PUM2: variants seen among roughly 807,000 people sequenced by gnomAD.
PUM2 encodes pumilio RNA binding family member 2.
PUM2 carries 57 observed loss-of-function variants against 124.5 expected under a neutral mutation model. The ratio of observed to expected loss-of-function variants is 0.46; its 90% confidence interval spans 0.37 to 0.57. The LOEUF is 0.57. PUM2 is among the 20% of genes least tolerant of loss of function. The pLI, the probability that PUM2 is intolerant of heterozygous loss-of-function variation, is 0.00. For synonymous variants in PUM2, 460 were observed against 446.1 expected, an observed-to-expected ratio of 1.03 and a Z score of -0.39; for missense variants, 1,065 against 1,290.6, an observed-to-expected ratio of 0.83 and a Z score of 2.68.
chr2:20,338,885 G>A (rs924784333), intron 1 of PUM2, among the ~76,000 whole-genome samples: 1 of 152,106 alleles, frequency 6.6e-6, no homozygotes, highest in Non-Finnish European at 1.5e-5. Flanking sequence ...AAAAGGATAT[G>A]CATGATTTTT....
rs1347466345 is a variant in PUM2 at position 20,253,986 on chromosome 2, C to A, written c.2899G>T (p.Ala967Ser). The A allele has an allele frequency of 6.2e-7, 1 of 1,613,206 alleles. No homozygotes were observed. The highest frequency in any genetic ancestry group is 8.5e-7 in the Non-Finnish European group (1 of 1,179,718). Reference protein sequence around the residue: ...SNVVEKCVTHASRAERALLID... With the variant: ...SNVVEKCVTHSSRAERALLID... ...AGTAAAGCTCTCTCAGCACGGGAGG[C>A]ATGAGTAACACACTTTTCTACTACA... The change falls in exon 20 of 21, where the codon GCC becomes TCC. Residue 967 changes from alanine (A) to serine (S), a missense_variant. Physicochemically the swap from Ala to Ser is moderately conservative, Grantham distance 99 (BLOSUM62 1). Transcript: ENST00000361078.
chr2:20,254,239 C>T (rs1219229592), intron 19 of PUM2, among the ~76,000 whole-genome samples: 1 of 151,990 alleles, frequency 6.6e-6, no homozygotes, highest in Non-Finnish European at 1.5e-5. Context: ...CCGCTCACTG[C>T]AGCCTTGACC....
chr2:20,350,727 T>TC lies in PUM2; in HGVS notation c.-150dup, dbSNP rs1241324039. ...TGTCTTCTTTCTCCACCTACCACCC[T>TC]CCCCCCCCACCCCACCTCCTCCTTC... On this transcript the variant is annotated 5_prime_UTR_variant, in exon 1 of 21. Coordinates refer to ENST00000361078, the MANE Select transcript of PUM2 (RefSeq NM_015317.5). The TC allele has an allele frequency of 2.2e-3, 652 of 301,698 alleles. No homozygotes were observed. The highest frequency in any genetic ancestry group is 0.014 in the South Asian group (88 of 6,354). The allele number at this position is 301,698 out of a possible 1,614,324, so 18.7% of individuals were successfully genotyped here.
In PUM2 at chr2:20,263,210, T is replaced by C; in HGVS notation, c.2208A>G (p.Gln736=). 6.2e-7 allele frequency: 1 copy of C among 1,600,402 alleles called. No homozygotes were observed. Among genetic ancestry groups the C allele is most frequent in the Non-Finnish European group, 8.6e-7 (1 of 1,167,552 alleles). ...DLIGHIVEFS[Q]DQHGSRFIQQ... ...TCACCTACCTAGAACCATGCTGGTC[T>C]TGAGAAAACTCAACTATATGTCCAA... The change falls in exon 14 of 21, where the codon CAA becomes CAG. Residue 736 remains glutamine, a synonymous_variant. Transcript: ENST00000361078.
At chr2:20,350,944 C>T (rs868050423), upstream of PUM2, 4 of 249,418 alleles carry the variant, frequency 1.6e-5, no homozygotes, top group Admixed American at 6.5e-5. Context: ...GTCCCTGCTC[C>T]CGCGCTGCCG....
At position 20,274,633 on chromosome 2, in the gene PUM2, A is replaced by G. The variant is rs189310286; in HGVS notation, c.1957+3950T>C. Among the ~76,000 whole-genome samples, 36 of 152,178 alleles carry G rather than the reference A, an allele frequency of 2.4e-4. 1 individual carries two copies. Among genetic ancestry groups the G allele is most frequent in the Admixed American group, 9.2e-4 (14 of 15,284 alleles). ...TTTCAATAAATTTTACTGGGTTCAAAGCCCACATTACACTTTAGCACCCTT... is the reference window on the plus strand; with the variant it reads ...TTTCAATAAATTTTACTGGGTTCAAGGCCCACATTACACTTTAGCACCCTT... On this transcript the variant is annotated intron_variant, in intron 13 of 20. Transcript: ENST00000361078.
At chr2:20,258,168 T>G in intron 16 of PUM2, 75 bp downstream of exon 16, 1 of 1,330,496 alleles carries the variant, frequency 7.5e-7, no homozygotes, top group Admixed American at 2.6e-5. Flanking sequence ...TCAAGATTAC[T>G]GTAAGATTAA....
In PUM2 at chr2:20,249,147, G is replaced by A. The variant is rs1046604079; in HGVS notation, c.*2438C>T. 1 of 152,186 alleles carries A rather than the reference G, an allele frequency of 6.6e-6. No homozygotes were observed. Among genetic ancestry groups the A allele is most frequent in the Non-Finnish European group, 1.5e-5 (1 of 68,036 alleles). 9.4% of individuals were successfully genotyped at this position (152,186 alleles called of 1,614,324 possible). The stretch of plus-strand genomic sequence containing the variant: ...GAAGAGGGTTTAGTTTCTCAATGTA[G>A]TATTCTCTACTTGTCATTTTCTAAA... On this transcript the variant is annotated 3_prime_UTR_variant, in exon 21 of 21. Transcript: ENST00000361078.
chr2:20,278,828 G>T lies in PUM2; in HGVS notation c.1721-9C>A. 1 of 1,593,664 alleles carries T rather than the reference G, an allele frequency of 6.3e-7. No individual in the cohort carries two copies. The highest frequency in any genetic ancestry group is 8.6e-7 in the Non-Finnish European group (1 of 1,167,942). ...ACTTGCAGAACTGCCAACTGAAGAAGAAATAAAAAAAACCCTAATTACATA... is the reference window on the plus strand; with the variant it reads ...ACTTGCAGAACTGCCAACTGAAGAATAAATAAAAAAAACCCTAATTACATA... On this transcript the variant is annotated splice_polypyrimidine_tract_variant and intron_variant, in intron 12 of 20. Coordinates refer to ENST00000361078, the MANE Select transcript of PUM2 (RefSeq NM_015317.5).
chr2:20,286,650 A>G (rs145777627), intron 10 of PUM2, among the ~76,000 whole-genome samples: 413 of 152,138 alleles, frequency 2.7e-3, no homozygotes, highest in Non-Finnish European at 4.9e-3. Flanking sequence ...CTTTTCATTC[A>G]TATCAGCTCC....
chr2:20,273,794 A>G (rs914817492), intron 13 of PUM2, among the ~76,000 whole-genome samples: 1 of 152,184 alleles, frequency 6.6e-6, no homozygotes, highest in Non-Finnish European at 1.5e-5. Flanking sequence ...AAGTATTCTT[A>G]TTACAAATAA....
In PUM2 at chr2:20,249,539, A is replaced by C. The variant is rs1236956716; in HGVS notation, c.*2046T>G. 2.0e-5 allele frequency: 3 copies of C among 152,692 alleles called. No homozygotes were observed. The highest frequency in any genetic ancestry group is 4.4e-5 in the Non-Finnish European group (3 of 68,042). 9.5% of individuals were successfully genotyped at this position (152,692 alleles called of 1,614,324 possible). ...AGAAAAGTAAAATAACTCAACACCA[A>C]ACATGAAAAAGTATGCCTGGCATCC... On this transcript the variant is annotated 3_prime_UTR_variant, in exon 21 of 21. Coordinates refer to ENST00000361078, the MANE Select transcript of PUM2 (RefSeq NM_015317.5).
intron 7 of PUM2, among the ~76,000 whole-genome samples, chr2:20,306,603 ACT>A (rs1491176437): frequency 7.0e-6 from 1 of 142,016 alleles, no homozygotes; most frequent in Non-Finnish European, 1.5e-5. Context: ...ATAAATGTGG[ACT>A]TTTTTTTTTT....
chr2:20,251,643 T>C lies in PUM2; in HGVS notation c.3137A>G (p.Tyr1046Cys), dbSNP rs1663349016. 5 of 1,613,938 alleles carry C rather than the reference T, an allele frequency of 3.1e-6. No individual in the cohort carries two copies. The highest frequency in any genetic ancestry group is 3.4e-6 in the Non-Finnish European group (4 of 1,179,832). ...TCCTAGGTCCGGGCTATTCTTCAAATAATACTTTTCCAACTTGGCCAGTAT... is the reference window on the plus strand; with the variant it reads ...TCCTAGGTCCGGGCTATTCTTCAAACAATACTTTTCCAACTTGGCCAGTAT... ...KHILAKLEKY[Y>C]LKNSPDLGPI... The change falls in exon 21 of 21, where the codon TAT becomes TGT. Residue 1046 changes from tyrosine to cysteine, a missense_variant. Tyr to Cys is a radical substitution (Grantham distance 194). Coordinates refer to ENST00000361078, the MANE Select transcript of PUM2 (RefSeq NM_015317.5).
intron 11 of PUM2, 25 bp from the exon 12 acceptor site, chr2:20,283,256 C>T (rs1160612890): frequency 4.4e-6 from 7 of 1,608,366 alleles, no homozygotes; most frequent in Admixed American, 3.4e-5. Context: ...TCAGATACTT[C>T]TTTAAACCAC....
chr2:20,254,764 T>C (rs1319229280), intron 19 of PUM2, 99 bp downstream of exon 19: 2 of 1,239,528 alleles, frequency 1.6e-6, no homozygotes, highest in African/African-American at 1.5e-5. Flanking sequence ...AAAAAAAGAC[T>C]ACAGTTTAAT....
At chr2:20,285,018 T>C (rs1672403052) in intron 10 of PUM2, among the ~76,000 whole-genome samples, 1 of 152,256 alleles carries the variant, frequency 6.6e-6, no homozygotes, top group African/African-American at 2.4e-5. Flanking sequence ...ACATTCTTGT[T>C]CAAAAACATT....
intron 4 of PUM2, 61 bp from the exon 5 acceptor site, chr2:20,311,724 T>C: frequency 6.8e-7 from 1 of 1,479,954 alleles, no homozygotes; most frequent in Non-Finnish European, 9.2e-7. Context: ...AAAGGCACCA[T>C]AAGGTGACCT....
In PUM2 at chr2:20,297,578, T is replaced by A. The variant is rs771683751; in HGVS notation, c.984A>T (p.Gly328=). Residue 328 remains glycine, a synonymous_variant, in exon 8 of 21, where the codon GGA becomes GGT. Coordinates refer to ENST00000361078, the MANE Select transcript of PUM2 (RefSeq NM_015317.5). ...PPGTDPYTAA[G]LAAAATLAGP... Reference sequence around the variant, plus strand: ...CTGCTAATGTAGCTGCTGCAGCCAATCCTGCTGCAGTATACGGATCGGTCC... The same window carrying A: ...CTGCTAATGTAGCTGCTGCAGCCAAACCTGCTGCAGTATACGGATCGGTCC... The A allele has an allele frequency of 4.3e-6, 7 of 1,610,568 alleles. No individual in the cohort carries two copies. Among genetic ancestry groups the A allele is most frequent in the Non-Finnish European group, 5.9e-6 (7 of 1,177,866 alleles).
Sources: gnomAD v4.1 joint callset for allele counts (sites outside exome capture counted in the v4.1 genomes callset) on GRCh38, gnomAD v4.1.1 for gene constraint, MANE v1.5 for transcripts, NCBI Gene and HGNC (gene_info 2026-07-23, HGNC 2026-07-21) for gene names.